The following PPP1R9A variants were observed in gnomAD, a reference collection of about 807,000 sequenced individuals.
PPP1R9A encodes the protein neurabin-1.
PPP1R9A carries 59 observed loss-of-function variants against 141.9 expected under a neutral mutation model. That is an observed-to-expected ratio of 0.42 (90% CI 0.34 to 0.52). PPP1R9A has a LOEUF of 0.52. Among genes scored for constraint, PPP1R9A ranks in the 20% least tolerant of loss-of-function variants. The probability of loss-of-function intolerance (pLI) is 0.10; values close to 1 mark genes in which losing one functional copy is unlikely to be tolerated. For synonymous variants in PPP1R9A, 500 were observed against 569.7 expected, an observed-to-expected ratio of 0.88 and a Z score of 1.74; for missense variants, 1,444 against 1,611.9, an observed-to-expected ratio of 0.90 and a Z score of 1.78.
intron 5 of PPP1R9A, among the ~76,000 whole-genome samples, chr7:95,180,284 C>T (rs975409878): frequency 2.0e-5 from 3 of 152,106 alleles, no homozygotes; most frequent in East Asian, 1.9e-4. Context: ...AATGGACACC[C>T]TTTTTAACAA....
chr7:95,211,900 A>C (rs1037064585), intron 7 of PPP1R9A, among the ~76,000 whole-genome samples: 1 of 152,136 alleles, frequency 6.6e-6, no homozygotes, highest in African/African-American at 2.4e-5. Flanking sequence ...TGAGGTGGGA[A>C]GATCACTTGA....
chr7:94,941,637 C>T (rs1262981667), intron 2 of PPP1R9A, among the ~76,000 whole-genome samples: 5 of 151,706 alleles, frequency 3.3e-5, no homozygotes, highest in South Asian at 2.1e-4. Context: ...TAGGCTGACC[C>T]GTTTCTCAAA....
At chr7:95,282,510 T>C (rs1804458826) in intron 16 of PPP1R9A, among the ~76,000 whole-genome samples, 1 of 152,152 alleles carries the variant, frequency 6.6e-6, no homozygotes, top group Admixed American at 6.5e-5. Context: ...GTCATATCTT[T>C]CCCTAGAGAC....
chr7:94,980,125 C>A (rs981472665), intron 2 of PPP1R9A, among the ~76,000 whole-genome samples: 2 of 148,164 alleles, frequency 1.3e-5, no homozygotes, highest in African/African-American at 5.0e-5. Context: ...CTGGGTCACA[C>A]TGGAAGAAGA....
chr7:95,172,718 C>T (rs1380581652), intron 5 of PPP1R9A, among the ~76,000 whole-genome samples: 1 of 151,740 alleles, frequency 6.6e-6, no homozygotes, highest in Admixed American at 6.6e-5. Flanking sequence ...CTAAATTAGT[C>T]TGTAGATTAA....
rs140094867 is a variant in PPP1R9A, at chr7:95,208,507, G to A, written c.1956+4777G>A. 1.2e-3 allele frequency among the ~76,000 whole-genome samples: 188 copies of A among 152,044 alleles called. 3 individuals are homozygous for A. In the East Asian group the frequency reaches 0.034, roughly 28 times the overall value. On this transcript the variant is annotated intron_variant, in intron 7 of 19. Coordinates refer to ENST00000433360, the MANE Select transcript of PPP1R9A (RefSeq NM_001166160.2). ...TGGGAGGCTGAGGCAGGTGGATCAC[G>A]AGGTCAGGAGATTGAGACCATCCTG... is the stretch of plus-strand genomic sequence containing the variant.
chr7:95,066,865 A>G (rs1813021171), intron 2 of PPP1R9A, among the ~76,000 whole-genome samples: 1 of 152,220 alleles, frequency 6.6e-6, no homozygotes, highest in Non-Finnish European at 1.5e-5. Flanking sequence ...TAAATGTGCA[A>G]TAAAGAAGAA....
At chr7:95,140,547 C>T (rs1826471195) in intron 4 of PPP1R9A, among the ~76,000 whole-genome samples, 1 of 151,938 alleles carries the variant, frequency 6.6e-6, no homozygotes, top group South Asian at 2.1e-4. Flanking sequence ...TGCCATTGTG[C>T]CCAGCTAATT....
intron 2 of PPP1R9A, among the ~76,000 whole-genome samples, chr7:94,946,402 T>G (rs1795900662): frequency 6.6e-6 from 1 of 152,120 alleles, no homozygotes; most frequent in Non-Finnish European, 1.5e-5. Flanking sequence ...ATGGAGGCAC[T>G]GTGTAGAGTG....
At chr7:95,258,304 A>G (rs943339594) in intron 12 of PPP1R9A, among the ~76,000 whole-genome samples, 16 of 152,196 alleles carry the variant, frequency 1.1e-4, no homozygotes, top group Non-Finnish European at 2.1e-4. Context: ...TTTTGGCTGC[A>G]TAAATGTCTT....
intron 2 of PPP1R9A, among the ~76,000 whole-genome samples, chr7:94,995,161 T>A (rs1451684003): frequency 3.3e-5 from 5 of 152,218 alleles, no homozygotes; most frequent in Middle Eastern, 3.4e-3. Context: ...AGTTGCTGCA[T>A]TATCTTCTTG....
intron 5 of PPP1R9A, 49 bp from the exon 6 acceptor site, chr7:95,198,300 C>T: frequency 1.3e-6 from 2 of 1,515,420 alleles, no homozygotes; most frequent in Non-Finnish European, 1.8e-6. Context: ...CTTAAAACTC[C>T]TTTTTGTTGG....
At chr7:95,189,365 G>A (rs952177256) in intron 5 of PPP1R9A, among the ~76,000 whole-genome samples, 3 of 151,386 alleles carry the variant, frequency 2.0e-5, no homozygotes, top group Non-Finnish European at 4.4e-5. Context: ...TTCCTCCTCA[G>A]GAACACCAGT....
chr7:95,232,696 A>C (rs562969201), intron 8 of PPP1R9A, among the ~76,000 whole-genome samples: 100 of 152,220 alleles, frequency 6.6e-4, no homozygotes, highest in Middle Eastern at 3.4e-3. Context: ...ACCCCATCAA[A>C]AAGTGGGCTA....
At chr7:95,032,367 T>C (rs1807810518) in intron 2 of PPP1R9A, among the ~76,000 whole-genome samples, 2 of 152,214 alleles carry the variant, frequency 1.3e-5, no homozygotes, top group Admixed American at 1.3e-4. Flanking sequence ...AATCTTTTTT[T>C]TTTTAAATTG....
At chr7:95,284,354 G>A in intron 17 of PPP1R9A, 24 bp downstream of exon 17, 1 of 1,406,016 alleles carries the variant, frequency 7.1e-7, no homozygotes. Context: ...AATAAACAAT[G>A]CATGGTATTT....
chr7:95,132,691 AC>A (rs944575694), intron 4 of PPP1R9A, among the ~76,000 whole-genome samples: 1 of 150,588 alleles, frequency 6.6e-6, no homozygotes, highest in African/African-American at 2.4e-5. Context: ...CACGCTGCTC[AC>A]CCGCCCGCTG....
intron 2 of PPP1R9A, among the ~76,000 whole-genome samples, chr7:94,912,816 G>A (rs1488595803): frequency 6.6e-6 from 1 of 152,128 alleles, no homozygotes; most frequent in Non-Finnish European, 1.5e-5. Flanking sequence ...ATAAACTACA[G>A]ATGTCAATTC....
intron 2 of PPP1R9A, among the ~76,000 whole-genome samples, chr7:95,072,825 A>ATATATAATAATTAT (rs1263774228): frequency 1.6e-3 from 56 of 36,074 alleles, no homozygotes; most frequent in Admixed American, 2.5e-3. Flanking sequence ...AATAATTATT[A>ATATATAATAATTAT]TATATATAAT....
Sources: gnomAD v4.1 joint callset for allele counts (sites outside exome capture counted in the v4.1 genomes callset) on GRCh38, gnomAD v4.1.1 for gene constraint, MANE v1.5 for transcripts, NCBI Gene and HGNC (gene_info 2026-07-23, HGNC 2026-07-21) for gene names.